Variants in MGAT5 observed in about 807,000 individuals in gnomAD.
The protein encoded by MGAT5 is alpha-1,6-mannosylglycoprotein 6-beta-N-acetylglucosaminyltransferase A.
In MGAT5, 30 loss-of-function variants were observed where a neutral mutation model predicts 94.3. The observed-to-expected ratio is 0.32, with a 90% CI of 0.24 to 0.43. The LOEUF is 0.43. MGAT5 is among the 20% of genes least tolerant of loss of function. The pLI, the probability that MGAT5 is intolerant of heterozygous loss-of-function variation, is 1.00. For missense variants in MGAT5, 691 were observed against 905.5 expected, an observed-to-expected ratio of 0.76 and a Z score of 3.04; for synonymous variants, 310 against 322.9, an observed-to-expected ratio of 0.96 and a Z score of 0.43.
intron 5 of MGAT5, 26 bp from the exon 6 acceptor site, chr2:134,338,233 T>G: frequency 3.9e-6 from 6 of 1,555,598 alleles, no homozygotes; most frequent in Non-Finnish European, 5.2e-6. Context: ...TATCTTCTAT[T>G]CATTTTATTA....
intron 10 of MGAT5, among the ~76,000 whole-genome samples, chr2:134,375,425 G>A (rs1018839118): frequency 6.6e-6 from 1 of 152,234 alleles, no homozygotes; most frequent in African/African-American, 2.4e-5. Flanking sequence ...GTACGGTTCT[G>A]TGTGGAAACC....
chr2:134,135,616 C>A (rs764801212), intron 1 of MGAT5, among the ~76,000 whole-genome samples: 3 of 141,710 alleles, frequency 2.1e-5, no homozygotes, highest in Non-Finnish European at 4.5e-5. Flanking sequence ...TGCTTGAACC[C>A]GGGAGATGGA....
chr2:134,272,221 G>C (rs1684071761), intron 2 of MGAT5, among the ~76,000 whole-genome samples: 1 of 152,192 alleles, frequency 6.6e-6, no homozygotes, highest in Admixed American at 6.5e-5. Context: ...AACGAAGTCT[G>C]GAAATATACC....
chr2:134,137,412 G>A (rs1167945194), intron 1 of MGAT5, among the ~76,000 whole-genome samples: 1 of 152,180 alleles, frequency 6.6e-6, no homozygotes, highest in Non-Finnish European at 1.5e-5. Context: ...TTCTGAGAGT[G>A]GAGTCAGCCC....
At chr2:134,152,748 A>G (rs1254950125) in intron 1 of MGAT5, among the ~76,000 whole-genome samples, 1 of 152,216 alleles carries the variant, frequency 6.6e-6, no homozygotes, top group East Asian at 1.9e-4. Flanking sequence ...TTAAAAGAAA[A>G]GTATGAATCG....
In MGAT5 at chr2:134,193,944, A is replaced by G. The variant is rs368534072; in HGVS notation, c.-142-60318A>G. On this transcript the variant is annotated intron_variant, in intron 1 of 16. Transcript: ENST00000409645. ...AAAATAAACTTGCCTGCTGCTCAGA[A>G]TTGACCCTGAGCGATATATCTTCCG... Among the ~76,000 whole-genome samples the G allele has an allele frequency of 4.6e-5, 7 of 152,184 alleles. No homozygotes were observed. In the East Asian group the frequency reaches 1.2e-3, roughly 25 times the overall value.
intron 14 of MGAT5, among the ~76,000 whole-genome samples, chr2:134,439,908 TGC>T (rs1685389416): frequency 3.3e-5 from 5 of 152,152 alleles, no homozygotes; most frequent in Non-Finnish European, 7.3e-5. Context: ...TTCCTCGGCT[TGC>T]GTCAGTGCTA....
At chr2:134,202,203 G>A (rs932836656) in intron 1 of MGAT5, among the ~76,000 whole-genome samples, 2 of 152,146 alleles carry the variant, frequency 1.3e-5, no homozygotes, top group African/African-American at 2.4e-5. Context: ...TGGTCTGAAT[G>A]TTTGTGTCCC....
chr2:134,158,591 G>A (rs539394798), intron 1 of MGAT5, among the ~76,000 whole-genome samples: 3 of 152,138 alleles, frequency 2.0e-5, no homozygotes, highest in Non-Finnish European at 4.4e-5. Flanking sequence ...AGGGATGCCC[G>A]GGTCCACAGC....
intron 1 of MGAT5, among the ~76,000 whole-genome samples, chr2:134,232,819 GGTT>G (rs1378863217): frequency 4.6e-5 from 7 of 152,152 alleles, no homozygotes; most frequent in African/African-American, 1.7e-4. Context: ...TGTGGGTGGT[GGTT>G]GTTATGGTGT....
intron 2 of MGAT5, among the ~76,000 whole-genome samples, chr2:134,305,305 C>G (rs1012066942): frequency 6.6e-6 from 1 of 152,144 alleles, no homozygotes. Flanking sequence ...GAAGCACTTC[C>G]GCCTTGCCTC....
rs371069208 is a variant in MGAT5 at position 134,138,198 on chromosome 2, GTTC to G, written c.-143+17912_-143+17914del. On this transcript the variant is annotated intron_variant, in intron 1 of 16. Coordinates refer to the MGAT5 transcript ENST00000409645. ...CCTAACATAATTTTATTAAGAAGCT[GTTC>G]TTCTATCATTGCCCTTTTTTTTTTG... Among the ~76,000 whole-genome samples the G allele has an allele frequency of 4.0e-3, 475 of 119,788 alleles. 5 individuals carry two copies. Among genetic ancestry groups the G allele is most frequent in the African/African-American group, 0.015 (452 of 30,622 alleles). The allele number at this position is 119,788 out of a possible 152,430, so 78.6% of individuals were successfully genotyped here. A position where few individuals can be genotyped will look rare whatever the true frequency, so the allele number is the denominator to read the frequency against.
chr2:134,138,325 T>G (rs769443833), intron 1 of MGAT5, among the ~76,000 whole-genome samples: 2 of 152,112 alleles, frequency 1.3e-5, no homozygotes, highest in Admixed American at 6.5e-5. Flanking sequence ...CTGAACCACA[T>G]TCACTCAGAC....
intron 2 of MGAT5, among the ~76,000 whole-genome samples, chr2:134,304,904 C>T (rs533747735): frequency 2.2e-4 from 34 of 152,268 alleles, no homozygotes; most frequent in Admixed American, 5.9e-4. Flanking sequence ...GCATCCTAGC[C>T]AAGGACATTA....
chr2:134,438,811 C>T (rs1265777182), intron 14 of MGAT5, among the ~76,000 whole-genome samples: 1 of 152,208 alleles, frequency 6.6e-6, no homozygotes, highest in African/African-American at 2.4e-5. Context: ...CACTCACCCA[C>T]TGTGCATCAT....
chr2:134,172,849 A>G (rs1395267807), intron 1 of MGAT5, among the ~76,000 whole-genome samples: 1 of 152,246 alleles, frequency 6.6e-6, no homozygotes, highest in Non-Finnish European at 1.5e-5. Context: ...TATGGGGTCA[A>G]CAGAATGAAA....
Position 134,365,401 on chromosome 2 carries a change from A to C in MGAT5, c.1380+2993A>C, listed in dbSNP as rs1477442186. 4.6e-5 allele frequency among the ~76,000 whole-genome samples: 7 copies of C among 152,178 alleles called. 1 individual carries two copies. Among genetic ancestry groups the C allele is most frequent in the Admixed American group, 4.6e-4 (7 of 15,280 alleles). On this transcript the variant is annotated intron_variant, in intron 10 of 15. Transcript: ENST00000281923. ...CTGGAACTGTAATTCTGGCTCAGAA[A>C]ACTGAGCTGCATCAATGAGATTCTT...
chr2:134,408,221 G>A (rs1683453906), intron 11 of MGAT5, among the ~76,000 whole-genome samples: 3 of 152,190 alleles, frequency 2.0e-5, no homozygotes, highest in Non-Finnish European at 4.4e-5. Flanking sequence ...AGGAGATGAT[G>A]CCTGAGTGGA....
intron 1 of MGAT5, among the ~76,000 whole-genome samples, chr2:134,142,524 C>T (rs556256299): frequency 7.9e-5 from 12 of 152,290 alleles, no homozygotes; most frequent in African/African-American, 2.2e-4. Flanking sequence ...AAGTGTTACT[C>T]GGATCTCCAT....
Sources: allele counts gnomAD v4.1 joint callset (sites outside exome capture counted in the v4.1 genomes callset), GRCh38; gene constraint gnomAD v4.1.1; transcripts MANE v1.5; gene names NCBI Gene and HGNC (gene_info 2026-07-23, HGNC 2026-07-21).